Variants in GRIK3 observed in about 807,000 individuals in gnomAD.
GRIK3 encodes the protein glutamate receptor ionotropic, kainate 3.
A neutral mutation model predicts 102.5 loss-of-function variants in GRIK3; 29 were observed. The ratio of observed to expected loss-of-function variants is 0.28; its 90% CI spans 0.21 to 0.39. The LOEUF is 0.39. GRIK3 is among the 10% of genes least tolerant of loss of function. GRIK3 has a pLI of 1.00. For missense variants in GRIK3, 908 were observed against 1,252.4 expected, an observed-to-expected ratio of 0.73 and a Z score of 4.15; for synonymous variants, 511 against 504.9, an observed-to-expected ratio of 1.01 and a Z score of -0.16.
rs188008053 is a variant in GRIK3 at position 36,861,737 on chromosome 1, G to A, written c.787-1720C>T. Among the ~76,000 whole-genome samples the A allele has an allele frequency of 4.6e-5, 7 of 152,332 alleles. No homozygotes were observed. The East Asian group carries it at 1.4e-3, about 29-fold the overall frequency. On this transcript the variant is annotated intron_variant, in intron 5 of 15. Coordinates refer to ENST00000373091, the MANE Select transcript of GRIK3 (RefSeq NM_000831.4). ...GGTTTCCTCTTCAATGATTTGGGGA[G>A]TAGGGAAGGGGTTTGGAGCAGACTT...
chr1:37,024,468 A>ATTATTATT (rs1365400579), intron 1 of GRIK3, among the ~76,000 whole-genome samples: 2 of 149,570 alleles, frequency 1.3e-5, no homozygotes, highest in African/African-American at 4.9e-5. Context: ...TATTATTATT[A>ATTATTATT]TTATTATTAT....
chr1:36,872,450 C>T lies in GRIK3; in HGVS notation c.551-81G>A. 1 of 1,141,944 alleles carries T rather than the reference C, an allele frequency of 8.8e-7. No individual in the cohort carries two copies. Among genetic ancestry groups the T allele is most frequent in the Non-Finnish European group, 1.2e-6 (1 of 805,742 alleles). The allele number at this position is 1,141,944 out of a possible 1,614,324, so 70.7% of individuals were successfully genotyped here. On this transcript the variant is annotated intron_variant, in intron 3 of 15. Coordinates refer to ENST00000373091, the MANE Select transcript of GRIK3 (RefSeq NM_000831.4). This position sits in a 1 kb window ranked among gnomAD's most constrained non-coding sequence, Gnocchi z 5.9. ...AGGCATCCACTTGGACTTGTGTGCA[C>T]ACACATGCCCATGGCCACAGGTCTG...
intron 1 of GRIK3, among the ~76,000 whole-genome samples, chr1:36,921,234 A>G (rs556158341): frequency 5.2e-4 from 79 of 152,312 alleles, no homozygotes; most frequent in African/African-American, 1.5e-3. Flanking sequence ...TGGCCCTGCT[A>G]GCTGATGACA....
intron 1 of GRIK3, among the ~76,000 whole-genome samples, chr1:36,946,725 C>A (rs1295309033): frequency 6.6e-6 from 1 of 152,152 alleles, no homozygotes; most frequent in Non-Finnish European, 1.5e-5. Context: ...GATGAGGGAT[C>A]GGAGGCAGAG....
rs1642865589 is a variant in GRIK3, at chr1:37,034,415, G to A, written c.-307C>T. ...TCGCGTCGGCTCGGCTCCCGCGCGG[G>A]CTCCCACCTGCCCCGGCTGCCGGGC... On this transcript the variant is annotated 5_prime_UTR_variant, in exon 1 of 16. Coordinates refer to ENST00000373091, the MANE Select transcript of GRIK3 (RefSeq NM_000831.4). Among the ~76,000 whole-genome samples, 1 of 150,974 alleles carries A rather than the reference G, an allele frequency of 6.6e-6. No individual in the cohort carries two copies. The highest frequency in any genetic ancestry group is 2.4e-5 in the African/African-American group (1 of 41,304).
At chr1:36,946,908 C>T (rs765812370) in intron 1 of GRIK3, among the ~76,000 whole-genome samples, 61 of 152,296 alleles carry the variant, frequency 4.0e-4, no homozygotes, top group East Asian at 5.8e-4. Context: ...TTGTATTATA[C>T]CCTCTACGGA....
intron 4 of GRIK3, among the ~76,000 whole-genome samples, chr1:36,871,661 T>G (rs946726068): frequency 1.3e-5 from 2 of 152,150 alleles, no homozygotes; most frequent in Non-Finnish European, 2.9e-5. Flanking sequence ...TGAGAGCCAT[T>G]CTCCTCCCCC....
chr1:36,961,719 G>A (rs1055514897), intron 1 of GRIK3, among the ~76,000 whole-genome samples: 14 of 152,250 alleles, frequency 9.2e-5, no homozygotes, highest in African/African-American at 2.7e-4. Flanking sequence ...TCATTTTGCC[G>A]AAGGATGCAA....
At chr1:36,858,597 G>A (rs2124237812) in intron 7 of GRIK3, among the ~76,000 whole-genome samples, 1 of 152,296 alleles carries the variant, frequency 6.6e-6, no homozygotes, top group Non-Finnish European at 1.5e-5. Flanking sequence ...TGGGGGTGCT[G>A]GCTGGGAAGT....
chr1:36,931,740 C>T (rs1641592714), intron 1 of GRIK3, among the ~76,000 whole-genome samples: 1 of 152,224 alleles, frequency 6.6e-6, no homozygotes, highest in Non-Finnish European at 1.5e-5. Flanking sequence ...CTCCAACCCA[C>T]TCCCACAGAG....
intron 1 of GRIK3, among the ~76,000 whole-genome samples, chr1:37,012,461 C>T (rs1359174427): frequency 1.3e-5 from 2 of 152,170 alleles, no homozygotes; most frequent in Non-Finnish European, 2.9e-5. Context: ...AATATCAAGA[C>T]GTTTCCTGTG....
chr1:36,858,345 CA>C (rs1321652004), intron 7 of GRIK3, among the ~76,000 whole-genome samples: 15 of 152,232 alleles, frequency 9.9e-5, no homozygotes, highest in Admixed American at 2.6e-4. Flanking sequence ...CTAGTTGTAA[CA>C]GAGCCAGGAT....
intron 1 of GRIK3, among the ~76,000 whole-genome samples, chr1:36,975,816 C>T (rs757632486): frequency 2.6e-5 from 4 of 152,220 alleles, no homozygotes; most frequent in Non-Finnish European, 5.9e-5. Flanking sequence ...TGTTTCCCCA[C>T]TGGCCTGTAG....
At chr1:37,023,987 T>C (rs1642741080) in intron 1 of GRIK3, among the ~76,000 whole-genome samples, 1 of 152,250 alleles carries the variant, frequency 6.6e-6, no homozygotes, top group South Asian at 2.1e-4. Flanking sequence ...AAATATCAAC[T>C]ACTAAAGGGA....
In GRIK3 at chr1:36,890,935, C is replaced by T. The variant is rs371290167; in HGVS notation, c.277G>A (p.Glu93Lys). 4.3e-6 allele frequency: 7 copies of T among 1,610,388 alleles called. No homozygotes were observed. Among genetic ancestry groups the T allele is most frequent in the African/African-American group, 4.0e-5 (3 of 74,800 alleles). The change falls in exon 2 of 16, where the codon GAG becomes AAG. Residue 93 changes from glutamate (E) to lysine (K), a missense_variant. This residue lies in a region of GRIK3 where 585 missense variants were observed against 824.9 expected (regional missense o/e 0.71). Transcript: ENST00000373091. ...IQRIHFHDSFEATKKACDQLA... is the reference protein window; with the variant it reads ...IQRIHFHDSFKATKKACDQLA... ...GCACACTCACCCTTTTTGGTCGCCTCGAAGCTGTCATGGAAGTGAATCCTC... is the reference window on the plus strand; with the variant it reads ...GCACACTCACCCTTTTTGGTCGCCTTGAAGCTGTCATGGAAGTGAATCCTC...
At chr1:36,941,355 C>T (rs1432376143) in intron 1 of GRIK3, among the ~76,000 whole-genome samples, 1 of 152,252 alleles carries the variant, frequency 6.6e-6, no homozygotes, top group Admixed American at 6.5e-5. Context: ...GGCTGATTCC[C>T]TCTTTTGAAG....
chr1:37,000,612 C>T (rs1466944280), intron 1 of GRIK3, among the ~76,000 whole-genome samples: 1 of 152,186 alleles, frequency 6.6e-6, no homozygotes, highest in East Asian at 1.9e-4. Flanking sequence ...AACTATTTTA[C>T]AAGGCAATAA....
At chr1:36,808,333 G>A (rs967198532) in intron 13 of GRIK3, among the ~76,000 whole-genome samples, 1 of 152,208 alleles carries the variant, frequency 6.6e-6, no homozygotes, top group Admixed American at 6.5e-5. Flanking sequence ...ACACCTTTGT[G>A]TAATCCCCTC....
chr1:36,857,019 A>C (rs1223203829), intron 7 of GRIK3, among the ~76,000 whole-genome samples: 1 of 152,220 alleles, frequency 6.6e-6, no homozygotes, highest in Non-Finnish European at 1.5e-5. Context: ...CACACGTGCC[A>C]AAACTCACCA....
Sources: allele counts gnomAD v4.1 joint callset (sites outside exome capture counted in the v4.1 genomes callset), GRCh38; gene constraint gnomAD v4.1.1; regional missense constraint gnomAD v4.1.1; non-coding constraint Gnocchi (gnomAD v3.1); transcripts MANE v1.5; gene names NCBI Gene and HGNC (gene_info 2026-07-23, HGNC 2026-07-21).